MAPK4: variants seen among roughly 807,000 people sequenced by gnomAD.
The protein encoded by MAPK4 is Erk3-related.
MAPK4 carries 22 observed loss-of-function variants against 47.7 expected under a neutral mutation model. The observed-to-expected ratio is 0.46, with a 90% CI of 0.33 to 0.66. The LOEUF (loss-of-function observed/expected upper bound fraction) is 0.66. MAPK4 is among the 30% of genes least tolerant of loss of function. The pLI is 0.02. For missense variants in MAPK4, 736 were observed against 831.7 expected (o/e 0.88, Z 1.42); for synonymous variants, 390 against 365.7 (o/e 1.07, Z -0.76).
intron 1 of MAPK4, among the ~76,000 whole-genome samples, chr18:50,576,556 CA>C (rs2042299109): frequency 1.3e-5 from 2 of 151,980 alleles, no homozygotes; most frequent in Non-Finnish European, 2.9e-5. Flanking sequence ...ATGTGGGTGG[CA>C]AAATAATCTG....
intron 2 of MAPK4, among the ~76,000 whole-genome samples, chr18:50,693,021 T>C (rs1371700169): frequency 1.3e-5 from 2 of 152,118 alleles, no homozygotes; most frequent in African/African-American, 4.8e-5. Flanking sequence ...TTTGGGAGGC[T>C]GAGATGGGTG....
In MAPK4 at chr18:50,664,565, C is replaced by T; in HGVS notation, c.546+61C>T. 6.7e-7 allele frequency: 1 copy of T among 1,500,246 alleles called. No homozygotes were observed. 92.9% of individuals were successfully genotyped at this position (1,500,246 alleles called of 1,614,324 possible). A position where few individuals can be genotyped will look rare whatever the true frequency, so the allele number is the denominator to read the frequency against. ...ACAGAATCCCCAAGAATACTTGCAG[C>T]ATTCCCAAGCTATTCCTAGCTCCAT... On this transcript the variant is annotated intron_variant, in intron 2 of 5. Coordinates refer to ENST00000400384, the MANE Select transcript of MAPK4 (RefSeq NM_002747.4). This position sits in a 1 kb window ranked among gnomAD's most constrained non-coding sequence, Gnocchi z 6.0.
At chr18:50,574,566 A>G (rs1430477043) in intron 1 of MAPK4, among the ~76,000 whole-genome samples, 1 of 152,202 alleles carries the variant, frequency 6.6e-6, no homozygotes, top group African/African-American at 2.4e-5. Flanking sequence ...TTTTGCTGCA[A>G]CAGTTATTAC....
At chr18:50,602,430 T>G (rs1019487024) in intron 1 of MAPK4, among the ~76,000 whole-genome samples, 26 of 152,224 alleles carry the variant, frequency 1.7e-4, no homozygotes, top group African/African-American at 5.8e-4. Context: ...CCTGGCTATC[T>G]TTGTCTATCA....
At position 50,592,893 on chromosome 18, in the gene MAPK4, G is replaced by A. The variant is rs918612808; in HGVS notation, c.-871+32650G>A. ...TCAGAGAGTTAAAACTTAGCATCTC[G>A]CAGCATTGTCCATTTGAATTCTAAA... On this transcript the variant is annotated intron_variant, in intron 1 of 5. Transcript: ENST00000400384. 5.9e-5 allele frequency among the ~76,000 whole-genome samples: 9 copies of A among 152,234 alleles called. No individual in the cohort carries two copies. In the South Asian group the frequency reaches 1.0e-3, roughly 18 times the overall value.
chr18:50,639,973 C>G (rs934961415), intron 1 of MAPK4, among the ~76,000 whole-genome samples: 1 of 152,244 alleles, frequency 6.6e-6, no homozygotes, highest in Non-Finnish European at 1.5e-5. Context: ...ATAGCCACCT[C>G]ACTTTCTTTT....
chr18:50,636,489 T>C (rs1162231226), intron 1 of MAPK4, among the ~76,000 whole-genome samples: 1 of 152,222 alleles, frequency 6.6e-6, no homozygotes, highest in East Asian at 1.9e-4. Context: ...TGCTGCTCTG[T>C]AACCAGGTGA....
At chr18:50,566,496 A>ATACC in intron 1 of MAPK4, among the ~76,000 whole-genome samples, 1 of 152,312 alleles carries the variant, frequency 6.6e-6, no homozygotes, top group Middle Eastern at 3.4e-3. Context: ...TGCTGCTGGG[A>ATACC]TACCGTTCTT....
At chr18:50,727,944 C>T (rs150107519) in intron 5 of MAPK4, among the ~76,000 whole-genome samples, 1 of 152,250 alleles carries the variant, frequency 6.6e-6, no homozygotes, top group Admixed American at 6.5e-5. Flanking sequence ...TCTTCACACA[C>T]TCTTCCTCCT....
intron 1 of MAPK4, among the ~76,000 whole-genome samples, chr18:50,582,259 C>T (rs1481822244): frequency 6.6e-6 from 1 of 152,216 alleles, no homozygotes; most frequent in Non-Finnish European, 1.5e-5. Flanking sequence ...TAGTGGCAAG[C>T]TCTCCTGTTC....
Position 50,571,233 on chromosome 18 carries a change from A to G in MAPK4, c.-871+10990A>G, listed in dbSNP as rs75250692. Among the ~76,000 whole-genome samples the G allele has an allele frequency of 2.0e-3, 301 of 152,344 alleles. 3 individuals carry two copies. Among genetic ancestry groups the G allele is most frequent in the African/African-American group, 6.9e-3 (286 of 41,584 alleles). Reference sequence around the variant, plus strand: ...TTTTTAATTTCACAGTACTTCACACATAGGAAGGACTATAGAAAAATTAGT... The same window carrying G: ...TTTTTAATTTCACAGTACTTCACACGTAGGAAGGACTATAGAAAAATTAGT... On this transcript the variant is annotated intron_variant, in intron 1 of 5. Transcript: ENST00000400384.
chr18:50,583,235 T>A (rs973801277), intron 1 of MAPK4, among the ~76,000 whole-genome samples: 46 of 152,184 alleles, frequency 3.0e-4, no homozygotes, highest in Admixed American at 2.7e-3. Context: ...GTGTGTTTAT[T>A]GGTCCATGGG....
chr18:50,726,084 C>G lies in MAPK4; in HGVS notation c.976C>G (p.His326Asp). The G allele has an allele frequency of 6.2e-7, 1 of 1,614,186 alleles. No individual in the cohort carries two copies. The highest frequency in any genetic ancestry group is 8.5e-7 in the Non-Finnish European group (1 of 1,180,040). The change falls in exon 5 of 6, where the codon CAC (histidine) becomes GAC (aspartate). Residue 326 changes from histidine to aspartate, a missense_variant. Physicochemically the swap from His to Asp is moderately conservative, Grantham distance 81 (BLOSUM62 -1). Coordinates refer to ENST00000400384, the MANE Select transcript of MAPK4 (RefSeq NM_002747.4). ...SCPEDEPTSQ[H>D]PFRIEDEIDD... ...CCCTGAGGACGAGCCCACCTCACAA[C>G]ACCCCTTCCGCATTGAGGATGAGAT... is the stretch of plus-strand genomic sequence containing the variant.
intron 1 of MAPK4, among the ~76,000 whole-genome samples, chr18:50,640,208 T>C (rs914898104): frequency 6.6e-6 from 1 of 152,128 alleles, no homozygotes; most frequent in Non-Finnish European, 1.5e-5. Flanking sequence ...AATGAAGCAT[T>C]TGGAAGGAAA....
At position 50,718,858 on chromosome 18, in the gene MAPK4, G is replaced by A. The variant is rs570867677; in HGVS notation, c.692-3080G>A. Among the ~76,000 whole-genome samples the A allele has an allele frequency of 1.7e-4, 26 of 152,184 alleles. No homozygotes were observed. The East Asian group carries it at 1.9e-3, about 11-fold the overall frequency. On this transcript the variant is annotated intron_variant, in intron 3 of 5. Transcript: ENST00000400384. Reference sequence around the variant, plus strand: ...GCACTTTGGGAGGCCGAGGTGGGCGGATTGCCTGAGGTCAGGAGCTCCAGA... The same window carrying A: ...GCACTTTGGGAGGCCGAGGTGGGCGAATTGCCTGAGGTCAGGAGCTCCAGA...
chr18:50,687,718 G>A (rs1598911870), intron 2 of MAPK4, among the ~76,000 whole-genome samples: 1 of 152,226 alleles, frequency 6.6e-6, no homozygotes, highest in Admixed American at 6.5e-5. Flanking sequence ...GAGAAGAGCA[G>A]TCTGCTGGGC....
chr18:50,678,141 G>A lies in MAPK4; in HGVS notation c.546+13637G>A, dbSNP rs1908380715. Among the ~76,000 whole-genome samples, 1 of 152,212 alleles carries A rather than the reference G, an allele frequency of 6.6e-6. No individual in the cohort carries two copies. The highest frequency in any genetic ancestry group is 2.4e-5 in the African/African-American group (1 of 41,460). On this transcript the variant is annotated intron_variant, in intron 2 of 5. Transcript: ENST00000400384. This position sits in a 1 kb window ranked among gnomAD's most constrained non-coding sequence, Gnocchi z 4.2. ...ACCACTAATAGTAAATTGTATTGGA[G>A]TGGTTGACCATGTATTAGTTTCTCT... is the stretch of plus-strand genomic sequence containing the variant.
At chr18:50,707,433 G>T (rs1254359738) in intron 2 of MAPK4, among the ~76,000 whole-genome samples, 1 of 152,050 alleles carries the variant, frequency 6.6e-6, no homozygotes, top group African/African-American at 2.4e-5. Flanking sequence ...AGCAAGGCAT[G>T]GTGGCCCGCA....
chr18:50,660,915 A>G (rs922668632), intron 1 of MAPK4, among the ~76,000 whole-genome samples: 1 of 152,216 alleles, frequency 6.6e-6, no homozygotes, highest in Non-Finnish European at 1.5e-5. Flanking sequence ...GACCACTGAA[A>G]AAGAGACACA....
Sources: gnomAD v4.1 joint callset for allele counts (sites outside exome capture counted in the v4.1 genomes callset) on GRCh38, gnomAD v4.1.1 for gene constraint, Gnocchi (gnomAD v3.1) non-coding constraint, MANE v1.5 for transcripts, NCBI Gene and HGNC (gene_info 2026-07-23, HGNC 2026-07-21) for gene names.